Variants in PCDH9 observed in about 807,000 individuals in gnomAD.
The protein encoded by PCDH9 is protocadherin-9.
PCDH9 carries 24 observed loss-of-function variants against 70.6 expected under a neutral mutation model. The ratio of observed to expected loss-of-function variants is 0.34; its 90% confidence interval spans 0.25 to 0.48. The LOEUF (loss-of-function observed/expected upper bound fraction) is 0.48. Ranked by LOEUF, PCDH9 falls within the 20% of genes least tolerant of loss-of-function variation. The pLI is 0.99. For missense variants in PCDH9, 1,281 were observed against 1,503.6 expected, an observed-to-expected ratio of 0.85 and a Z score of 2.45; for synonymous variants, 562 against 558.5, an observed-to-expected ratio of 1.01 and a Z score of -0.09.
intron 3 of PCDH9, among the ~76,000 whole-genome samples, chr13:66,854,093 T>C (rs902974024): frequency 6.6e-6 from 1 of 152,190 alleles, no homozygotes; most frequent in Non-Finnish European, 1.5e-5. Flanking sequence ...GCTACTAGTA[T>C]TGCTCTTTTG....
chr13:66,641,120 G>A (rs2077703463), intron 3 of PCDH9, among the ~76,000 whole-genome samples: 1 of 152,072 alleles, frequency 6.6e-6, no homozygotes, highest in African/African-American at 2.4e-5. Context: ...CTCAAAAGTA[G>A]TGAAGGAGTT....
At chr13:66,773,879 G>A (rs2079849584) in intron 3 of PCDH9, among the ~76,000 whole-genome samples, 2 of 151,336 alleles carry the variant, frequency 1.3e-5, no homozygotes, top group Admixed American at 1.3e-4. Flanking sequence ...CCGGGTTCAA[G>A]CGATTCTCCT....
At chr13:66,780,881 T>A (rs1034585710) in intron 3 of PCDH9, among the ~76,000 whole-genome samples, 1 of 152,260 alleles carries the variant, frequency 6.6e-6, no homozygotes, top group South Asian at 2.1e-4. Context: ...TTTTTAAAAT[T>A]GTGTTTTTAT....
At chr13:66,657,521 A>T (rs1051885028) in intron 3 of PCDH9, among the ~76,000 whole-genome samples, 2 of 152,214 alleles carry the variant, frequency 1.3e-5, no homozygotes, top group Non-Finnish European at 2.9e-5. Flanking sequence ...ATTAACATCT[A>T]TGCTTTTACT....
At chr13:66,624,534 G>A (rs567641736) in intron 4 of PCDH9, among the ~76,000 whole-genome samples, 1 of 152,318 alleles carries the variant, frequency 6.6e-6, no homozygotes, top group African/African-American at 2.4e-5. Flanking sequence ...GTCATGCCCT[G>A]CCTTCAACTT....
intron 3 of PCDH9, among the ~76,000 whole-genome samples, chr13:66,784,696 A>G (rs2080052307): frequency 6.6e-6 from 1 of 152,196 alleles, no homozygotes; most frequent in Non-Finnish European, 1.5e-5. Flanking sequence ...AAGTGTCTCC[A>G]TAGATGTGTA....
intron 4 of PCDH9, among the ~76,000 whole-genome samples, chr13:66,442,334 T>C (rs558168723): frequency 3.5e-4 from 53 of 152,262 alleles, no homozygotes; most frequent in African/African-American, 1.2e-3. Context: ...CATACTCTGG[T>C]CTTTCAAAGA....
At chr13:66,981,673 G>A (rs2083773859) in intron 2 of PCDH9, among the ~76,000 whole-genome samples, 1 of 151,846 alleles carries the variant, frequency 6.6e-6, no homozygotes, top group Admixed American at 6.6e-5. Flanking sequence ...ATTCCATAAA[G>A]TAAAACTCTT....
chr13:66,526,151 A>G (rs1216511177), intron 4 of PCDH9, among the ~76,000 whole-genome samples: 15 of 152,072 alleles, frequency 9.9e-5, no homozygotes, highest in Non-Finnish European at 2.2e-4. Flanking sequence ...TTCCATTTCT[A>G]TCAGGAAGGG....
intron 4 of PCDH9, among the ~76,000 whole-genome samples, chr13:66,559,217 C>T (rs1004034122): frequency 2.6e-5 from 4 of 152,154 alleles, no homozygotes; most frequent in African/African-American, 9.7e-5. Context: ...CATATGTTCA[C>T]TTTACTGATA....
intron 4 of PCDH9, among the ~76,000 whole-genome samples, chr13:66,328,705 C>A (rs529361095): frequency 4.6e-5 from 7 of 152,094 alleles, no homozygotes; most frequent in Non-Finnish European, 7.4e-5. Flanking sequence ...AAGTGTGACA[C>A]GTGCGACTGA....
chr13:67,193,790 G>A (rs1593598824), intron 2 of PCDH9, among the ~76,000 whole-genome samples: 1 of 152,016 alleles, frequency 6.6e-6, no homozygotes, highest in East Asian at 1.9e-4. Flanking sequence ...CTATTTGAAA[G>A]TCTCCTGAAA....
chr13:66,781,560 C>A (rs937783773), intron 3 of PCDH9, among the ~76,000 whole-genome samples: 9 of 152,010 alleles, frequency 5.9e-5, no homozygotes, highest in African/African-American at 1.9e-4. Flanking sequence ...TCCTTGGCAC[C>A]AAAAGAATAC....
At chr13:66,838,332 T>A (rs956517591) in intron 3 of PCDH9, among the ~76,000 whole-genome samples, 1 of 152,044 alleles carries the variant, frequency 6.6e-6, no homozygotes. Context: ...GCAGGAGTAT[T>A]TTTATTTCCC....
intron 4 of PCDH9, among the ~76,000 whole-genome samples, chr13:66,621,188 C>T (rs1379808685): frequency 6.6e-6 from 1 of 152,164 alleles, no homozygotes; most frequent in Non-Finnish European, 1.5e-5. Flanking sequence ...AGGCTTGCTT[C>T]TAACCAACAA....
chr13:66,660,838 A>AT (rs1280535861), intron 3 of PCDH9, among the ~76,000 whole-genome samples: 1 of 151,546 alleles, frequency 6.6e-6, no homozygotes, highest in East Asian at 1.9e-4. Context: ...TTCTTTTTAC[A>AT]TTTTATTTTC....
chr13:67,054,362 C>T (rs61961770), intron 2 of PCDH9, among the ~76,000 whole-genome samples: 202 of 152,024 alleles, frequency 1.3e-3, no homozygotes, highest in South Asian at 3.3e-3. Flanking sequence ...AGACAAAGAC[C>T]TTTGGTTATT....
At chr13:66,539,870 CTTTTTTTTT>C (rs57344938) in intron 4 of PCDH9, among the ~76,000 whole-genome samples, 6 of 83,618 alleles carry the variant, frequency 7.2e-5, no homozygotes, top group Non-Finnish European at 1.4e-4. Flanking sequence ...TCTTTTTTTC[CTTTTTTTTT>C]TTTTTTTTTG....
intron 2 of PCDH9, among the ~76,000 whole-genome samples, chr13:66,968,410 C>T (rs962744047): frequency 6.6e-6 from 1 of 151,976 alleles, no homozygotes; most frequent in Admixed American, 6.6e-5. Context: ...TTGGCATTCT[C>T]ATCACAGCAT....
Sources: gnomAD v4.1 joint callset for allele counts (sites outside exome capture counted in the v4.1 genomes callset) on GRCh38, gnomAD v4.1.1 for gene constraint, MANE v1.5 for transcripts, NCBI Gene and HGNC (gene_info 2026-07-23, HGNC 2026-07-21) for gene names.